TAF1: variants seen among roughly 807,000 people sequenced by gnomAD.
TAF1 encodes TATA-box binding protein associated factor 1, also known as transcription initiation factor TFIID subunit 1.
Under a neutral mutation model 138.5 loss-of-function variants are expected in TAF1, and 2 were observed. The observed-to-expected ratio is 0.01, with a 90% CI of 0.01 to 0.05. TAF1 has a LOEUF of 0.05. Among genes scored for constraint, TAF1 ranks in the 10% least tolerant of loss-of-function variants. TAF1 has a pLI of 1.00. For missense variants in TAF1, 709 were observed against 1,478.0 expected (o/e 0.48, Z 8.53); for synonymous variants, 437 against 503.2 (o/e 0.87, Z 1.76).
At chrX:71,516,641 TAAA>T (rs35879951) in intron 13 of TAF1, among the ~76,000 whole-genome samples, 4 of 83,600 alleles carry the variant, frequency 4.8e-5, no homozygotes, top group African/African-American at 1.3e-4. Flanking sequence ...GACCCCGTCT[TAAA>T]AAAAAAAAAA....
intron 34 of TAF1, 54 bp from the exon 35 acceptor site, chrX:71,458,187 G>A: frequency 2.5e-6 from 3 of 1,188,595 alleles, no homozygotes; most frequent in Non-Finnish European, 3.4e-6. Flanking sequence ...GGAGTTATCT[G>A]TATTTATTTT....
intron 13 of TAF1, among the ~76,000 whole-genome samples, chrX:71,489,654 C>T (rs1463282147): frequency 3.1e-5 from 3 of 96,650 alleles, no homozygotes; most frequent in African/African-American, 1.2e-4. Flanking sequence ...CCAGACTGGG[C>T]AACAAGAATG....
chrX:71,420,543 G>T, intron 28 of TAF1: 1 of 1,207,480 alleles, frequency 8.3e-7, no homozygotes, highest in Non-Finnish European at 1.1e-6. Flanking sequence ...GCATTTCCTG[G>T]AGGTGGACTC....
intron 32 of TAF1, among the ~76,000 whole-genome samples, chrX:71,433,116 G>T (rs1473130577): frequency 8.9e-6 from 1 of 112,211 alleles, no homozygotes; most frequent in Non-Finnish European, 1.9e-5. Context: ...GAAAAAACTG[G>T]ACAGATACAA....
At chrX:71,448,947 T>C (rs1307400116) in intron 32 of TAF1, among the ~76,000 whole-genome samples, 1 of 109,079 alleles carries the variant, frequency 9.2e-6, no homozygotes. Context: ...GCCTCCCGAG[T>C]AGCTGGGACT....
chrX:71,452,508 C>T (rs2038053768), intron 32 of TAF1, among the ~76,000 whole-genome samples: 2 of 109,768 alleles, frequency 1.8e-5, no homozygotes, highest in Non-Finnish European at 3.8e-5. Flanking sequence ...GGGATGGCGG[C>T]CGGGAAGAAG....
At chrX:71,406,866 C>A in intron 26 of TAF1, 120 bp downstream of exon 26, 1 of 486,107 alleles carries the variant, frequency 2.1e-6, no homozygotes, top group Non-Finnish European at 3.3e-6. Context: ...ATTATTTGTA[C>A]TGTTCATTAT....
intron 13 of TAF1, among the ~76,000 whole-genome samples, chrX:71,514,591 A>G (rs1021323950): frequency 9.9e-5 from 11 of 110,956 alleles, no homozygotes; most frequent in African/African-American, 3.3e-4. Context: ...CCAGACCACA[A>G]TAAACTTCAA....
At chrX:71,511,070 T>C (rs2039722559) in intron 13 of TAF1, among the ~76,000 whole-genome samples, 1 of 110,231 alleles carries the variant, frequency 9.1e-6, no homozygotes, top group African/African-American at 3.3e-5. Context: ...GCCATTGCAC[T>C]CTAGCCTGGG....
chrX:71,499,314 G>A (rs1275158817), intron 13 of TAF1, among the ~76,000 whole-genome samples: 2 of 111,589 alleles, frequency 1.8e-5, no homozygotes, highest in East Asian at 2.8e-4. Context: ...TTTCCTTTTC[G>A]GCCTGTTCCT....
At chrX:71,515,580 G>A (rs1335614831) in intron 13 of TAF1, among the ~76,000 whole-genome samples, 2 of 111,554 alleles carry the variant, frequency 1.8e-5, no homozygotes, top group African/African-American at 3.3e-5. Flanking sequence ...GTTGCCTAGA[G>A]GTTCGTATGT....
At chrX:71,418,336 A>G (rs953312347) in intron 28 of TAF1, among the ~76,000 whole-genome samples, 3 of 112,080 alleles carry the variant, frequency 2.7e-5, no homozygotes, top group Non-Finnish European at 3.8e-5. Context: ...GGCTGAAGCA[A>G]TCCTCCTGCC....
At chrX:71,384,778 G>A (rs188669935) in intron 13 of TAF1, among the ~76,000 whole-genome samples, 167 bp from the exon 14 acceptor site, 2 of 111,877 alleles carry the variant, frequency 1.8e-5, no homozygotes, top group Admixed American at 1.9e-4. Flanking sequence ...CCAGATTTGG[G>A]ATGCCCAACT....
intron 13 of TAF1, among the ~76,000 whole-genome samples, chrX:71,484,221 G>A (rs997596453): frequency 9.0e-5 from 10 of 111,129 alleles, no homozygotes; most frequent in African/African-American, 3.3e-4. Flanking sequence ...CCAATTTTTT[G>A]CTTTAACAAT....
intron 35 of TAF1, chrX:71,459,153 C>T (rs1435094812): frequency 6.6e-6 from 7 of 1,063,499 alleles, no homozygotes; most frequent in African/African-American, 1.9e-5. Flanking sequence ...TACTCAGATG[C>T]GCCAGGGCCG....
chrX:71,444,076 C>T (rs1482877732), intron 32 of TAF1, among the ~76,000 whole-genome samples: 1 of 111,060 alleles, frequency 9.0e-6, no homozygotes, highest in Non-Finnish European at 1.9e-5. Flanking sequence ...GGCGCAATCT[C>T]GGCTCACTGT....
chrX:71,487,506 T>G (rs752108424), intron 13 of TAF1, among the ~76,000 whole-genome samples: 7 of 109,277 alleles, frequency 6.4e-5, no homozygotes, highest in Non-Finnish European at 1.3e-4. Context: ...GTATTTTTAG[T>G]AGAGACCAGT....
intron 28 of TAF1, among the ~76,000 whole-genome samples, chrX:71,412,636 G>A (rs967367780): frequency 2.7e-5 from 3 of 111,973 alleles, no homozygotes; most frequent in South Asian, 3.7e-4. Flanking sequence ...TGCCCAGGCC[G>A]GAGTGCAGTG....
At position 71,387,422 on chromosome X, in the gene TAF1, C is replaced by T. The variant is rs1210336310; in HGVS notation, c.2388C>T (p.Asn796=). The T allele has an allele frequency of 8.3e-7, 1 of 1,210,113 alleles. No individual in the cohort carries two copies. Among genetic ancestry groups the T allele is most frequent in the East Asian group, 3.0e-5 (1 of 33,766 alleles). The change falls in exon 15 of 38, where the codon AAC becomes AAT. Residue 796 remains asparagine, a synonymous_variant. Coordinates refer to ENST00000423759, the MANE Select transcript of TAF1 (RefSeq NM_004606.5). The part of the protein sequence containing the change: ...QCPLFEVPGP[N]SKRANTHIRD... Reference sequence around the variant, plus strand: ...CCTTGTTTGAAGTTCCTGGGCCTAACTCCAAAAGGGCCAATACGCATATTC... The same window carrying T: ...CCTTGTTTGAAGTTCCTGGGCCTAATTCCAAAAGGGCCAATACGCATATTC...
Sources: gnomAD v4.1 joint callset for allele counts (sites outside exome capture counted in the v4.1 genomes callset) on GRCh38, gnomAD v4.1.1 for gene constraint, MANE v1.5 for transcripts, NCBI Gene and HGNC (gene_info 2026-07-23, HGNC 2026-07-21) for gene names.